Variants in LAP3 observed in about 807,000 individuals in gnomAD.
LAP3 encodes the protein leucine aminopeptidase 3.
A neutral mutation model predicts 58.8 loss-of-function variants in LAP3; 46 were observed. That is an observed-to-expected ratio of 0.78 (90% CI 0.62 to 1.00). The LOEUF (loss-of-function observed/expected upper bound fraction) is 1.00. Among genes scored for constraint, LAP3 ranks in the 50% least tolerant of loss-of-function variants. LAP3 has a pLI of 0.00. For missense variants in LAP3, 615 were observed against 659.1 expected (o/e 0.93, Z 0.73); for synonymous variants, 257 against 237.7 (o/e 1.08, Z -0.75).
At chr4:17,590,537 A>G (rs916677472) in intron 7 of LAP3, among the ~76,000 whole-genome samples, 1 of 152,140 alleles carries the variant, frequency 6.6e-6, no homozygotes, top group South Asian at 2.1e-4. Flanking sequence ...TATAAGTTAT[A>G]TGCATTATAC....
chr4:17,583,284 G>A lies in LAP3; in HGVS notation c.380-199G>A. 2.4e-5 allele frequency: 15 copies of A among 615,890 alleles called. No homozygotes were observed. In the South Asian group the frequency reaches 2.7e-4, roughly 11 times the overall value. 38.2% of individuals were successfully genotyped at this position (615,890 alleles called of 1,614,324 possible). A position where few individuals can be genotyped will look rare whatever the true frequency, so the allele number is the denominator to read the frequency against. The stretch of plus-strand genomic sequence containing the variant: ...CATCAGCCTGTCCTCACCACCACCT[G>A]GGAGTGAGGTACTTGCTGTAAAATG... On this transcript the variant is annotated intron_variant, in intron 4 of 12. Coordinates refer to ENST00000226299, the MANE Select transcript of LAP3 (RefSeq NM_015907.3).
intron 6 of LAP3, chr4:17,585,373 G>A: frequency 3.2e-6 from 1 of 310,558 alleles, no homozygotes. Context: ...TTTCATAACT[G>A]TGTTATTCAG....
chr4:17,577,532 G>A lies in LAP3; in HGVS notation c.67G>A (p.Gly23Arg), dbSNP rs148471769. The A allele has an allele frequency of 5.7e-6, 9 of 1,576,676 alleles. No individual in the cohort carries two copies. In the South Asian group the frequency reaches 5.8e-5, roughly 10 times the overall value. The change falls in exon 1 of 13, where the codon GGG becomes AGG. Residue 23 changes from glycine to arginine, a missense_variant. Physicochemically the swap from Gly to Arg is moderately radical, Grantham distance 125. Coordinates refer to ENST00000226299, the MANE Select transcript of LAP3 (RefSeq NM_015907.3). ...CCGACGTCTGGCCGTGAGACGTTTCGGGAGCCGGAGTCTCTCCACCGCAGA... is the reference window on the plus strand; with the variant it reads ...CCGACGTCTGGCCGTGAGACGTTTCAGGAGCCGGAGTCTCTCCACCGCAGA... The part of the protein sequence containing the change: ...VVRRLAVRRF[G>R]SRSLSTADMT...
intron 9 of LAP3, among the ~76,000 whole-genome samples, chr4:17,597,489 A>G (rs573428152): frequency 2.6e-4 from 40 of 152,256 alleles, no homozygotes; most frequent in Non-Finnish European, 5.0e-4. Flanking sequence ...GGCTGGTCCC[A>G]AACTCCTAGA....
chr4:17,582,259 G>C, intron 3 of LAP3, 29 bp from the exon 4 acceptor site: 1 of 1,546,998 alleles, frequency 6.5e-7, no homozygotes, highest in Non-Finnish European at 8.9e-7. Flanking sequence ...AAGAAATAAA[G>C]TGGTTGATTT....
At chr4:17,601,237 T>C (rs1288070825) in intron 10 of LAP3, among the ~76,000 whole-genome samples, 1 of 152,124 alleles carries the variant, frequency 6.6e-6, no homozygotes, top group Non-Finnish European at 1.5e-5. Flanking sequence ...GCCTTGTAAA[T>C]AAAAATGGGA....
Position 17,588,976 on chromosome 4 carries a change from A to G in LAP3, c.862A>G (p.Ser288Gly), listed in dbSNP as rs1216184118. Residue 288 changes from serine (S) to glycine (G), a missense_variant and splice_region_variant, in exon 7 of 13, where the codon AGT becomes GGT. Transcript: ENST00000226299. ...VFVGKGITFD[S>G]GGISIKASAN... ...TGTTGGGAAAGGAATTACCTTTGAC[A>G]GGTATTTTTTATGGTGTCCGTGCTT... 3.1e-6 allele frequency: 5 copies of G among 1,613,156 alleles called. No individual in the cohort carries two copies. The highest frequency in any genetic ancestry group is 4.2e-6 in the Non-Finnish European group (5 of 1,179,408).
chr4:17,589,361 G>T (rs561595372), intron 7 of LAP3, among the ~76,000 whole-genome samples: 1 of 151,454 alleles, frequency 6.6e-6, no homozygotes, highest in African/African-American at 2.4e-5. Context: ...GTGCCTGGCC[G>T]GTTTATAGTT....
intron 2 of LAP3, 30 bp from the exon 3 acceptor site, chr4:17,581,730 T>G: frequency 6.2e-7 from 1 of 1,601,964 alleles, no homozygotes; most frequent in South Asian, 1.1e-5. Context: ...AAAATACTTG[T>G]TTTAAAACGA....
intron 6 of LAP3, chr4:17,587,476 G>A (rs1408864374): frequency 1.4e-5 from 2 of 144,394 alleles, no homozygotes; most frequent in Non-Finnish European, 3.0e-5. Flanking sequence ...TTCATCTTCC[G>A]ATTTAAAATT....
Position 17,588,801 on chromosome 4 carries a change from C to G in LAP3, c.705-18C>G. On this transcript the variant is annotated intron_variant, in intron 6 of 12. Coordinates refer to ENST00000226299, the MANE Select transcript of LAP3 (RefSeq NM_015907.3). Reference sequence around the variant, plus strand: ...AAGGTAACAGTATATTTACTTTTTCCCTCTTTCTACCCTATAGACCCAAGT... The same window carrying G: ...AAGGTAACAGTATATTTACTTTTTCGCTCTTTCTACCCTATAGACCCAAGT... The G allele has an allele frequency of 4.4e-6, 7 of 1,584,282 alleles. No individual in the cohort carries two copies. Among genetic ancestry groups the G allele is most frequent in the Non-Finnish European group, 6.0e-6 (7 of 1,164,482 alleles).
At position 17,590,296 on chromosome 4, in the gene LAP3, A is replaced by G. The variant is rs1577221687; in HGVS notation, c.863+1319A>G. Among the ~76,000 whole-genome samples the G allele has an allele frequency of 2.0e-5, 3 of 152,140 alleles. No homozygotes were observed. The East Asian group carries it at 5.8e-4, about 29-fold the overall frequency. On this transcript the variant is annotated intron_variant, in intron 7 of 12. Transcript: ENST00000226299. ...CCATACGATGTTGATGTCCCCTTGTACATTTTTGTGCCCTTTCTGGAATGC... is the reference window on the plus strand; with the variant it reads ...CCATACGATGTTGATGTCCCCTTGTGCATTTTTGTGCCCTTTCTGGAATGC...
chr4:17,605,744 A>G (rs913383332), intron 11 of LAP3, among the ~76,000 whole-genome samples: 1 of 151,824 alleles, frequency 6.6e-6, no homozygotes, highest in African/African-American at 2.4e-5. Context: ...CTCCCACATA[A>G]CCGTTATCCC....
intron 6 of LAP3, among the ~76,000 whole-genome samples, chr4:17,587,912 G>C (rs1050322208): frequency 6.6e-6 from 1 of 151,572 alleles, no homozygotes; most frequent in Admixed American, 6.6e-5. Flanking sequence ...CCAGTCATTG[G>C]GATATAGCTT....
intron 10 of LAP3, among the ~76,000 whole-genome samples, chr4:17,599,616 T>C (rs967291231): frequency 6.6e-6 from 1 of 152,226 alleles, no homozygotes; most frequent in African/African-American, 2.4e-5. Context: ...CTGAAAAGAT[T>C]AGTGATAAAT....
In LAP3 at chr4:17,578,277, C is replaced by T. The variant is rs544335729; in HGVS notation, c.102+710C>T. On this transcript the variant is annotated intron_variant, in intron 1 of 12. Transcript: ENST00000226299. ...GAGCTCCAGTCTCCTGCAGGTATCT[C>T]AGTGGTGGAGGGACCAGTCGCCTGA... 5.9e-5 allele frequency among the ~76,000 whole-genome samples: 9 copies of T among 152,318 alleles called. No individual in the cohort carries two copies. In the South Asian group the frequency reaches 1.0e-3, roughly 18 times the overall value.
rs1045048407 is a variant in LAP3 at position 17,596,987 on chromosome 4, A to T, written c.989-59A>T. The T allele has an allele frequency of 9.1e-6, 14 of 1,540,276 alleles. No individual in the cohort carries two copies. In the East Asian group the frequency reaches 3.2e-4, roughly 35 times the overall value. On this transcript the variant is annotated intron_variant, in intron 8 of 12. Transcript: ENST00000226299. ...TGGCTCACAGGTGGCCTCTTGTCCCATAGGTGGCATGTTTGGACCCAGTAT... is the reference window on the plus strand; with the variant it reads ...TGGCTCACAGGTGGCCTCTTGTCCCTTAGGTGGCATGTTTGGACCCAGTAT...
chr4:17,583,775 G>A, intron 5 of LAP3, 133 bp downstream of exon 5: 1 of 896,652 alleles, frequency 1.1e-6, no homozygotes, highest in Non-Finnish European at 1.7e-6. Flanking sequence ...CATTGCCTCA[G>A]CCATTTTAAT....
intron 10 of LAP3, among the ~76,000 whole-genome samples, chr4:17,600,357 T>C (rs950178399): frequency 6.6e-6 from 1 of 151,584 alleles, no homozygotes; most frequent in South Asian, 2.1e-4. Flanking sequence ...TGGTTTTTGG[T>C]CTATCTATTC....
Sources: gnomAD v4.1 joint callset for allele counts (sites outside exome capture counted in the v4.1 genomes callset) on GRCh38, gnomAD v4.1.1 for gene constraint, MANE v1.5 for transcripts, NCBI Gene and HGNC (gene_info 2026-07-23, HGNC 2026-07-21) for gene names.